The following HS3ST4 variants were observed in gnomAD, a reference collection of about 807,000 sequenced individuals.
The protein encoded by HS3ST4 is heparan sulfate glucosamine 3-O-sulfotransferase 4.
HS3ST4 carries 17 observed loss-of-function variants against 29.2 expected under a neutral mutation model. That is an observed-to-expected ratio of 0.58 (90% confidence interval 0.40 to 0.87). HS3ST4 has a LOEUF of 0.87. Ranked by LOEUF, HS3ST4 falls within the 40% of genes least tolerant of loss-of-function variation. The pLI, the probability that HS3ST4 is intolerant of heterozygous loss-of-function variation, is 0.00. For missense variants in HS3ST4, 627 were observed against 634.5 expected, an observed-to-expected ratio of 0.99 and a Z score of 0.13; for synonymous variants, 314 against 285.7, an observed-to-expected ratio of 1.10 and a Z score of -1.00.
intron 1 of HS3ST4, among the ~76,000 whole-genome samples, chr16:25,966,318 T>C (rs533885653): frequency 5.9e-5 from 9 of 152,260 alleles, no homozygotes; most frequent in African/African-American, 2.2e-4. Context: ...ACAGTTCTTC[T>C]CTATTTGAAG....
chr16:26,071,838 C>G (rs1006753611), intron 1 of HS3ST4, among the ~76,000 whole-genome samples: 1 of 152,098 alleles, frequency 6.6e-6, no homozygotes, highest in Non-Finnish European at 1.5e-5. Flanking sequence ...CCTAGGCCCT[C>G]CCCTGGAATG....
intron 1 of HS3ST4, among the ~76,000 whole-genome samples, chr16:25,724,713 A>T (rs1408799351): frequency 6.6e-6 from 1 of 152,016 alleles, no homozygotes; most frequent in Non-Finnish European, 1.5e-5. Flanking sequence ...CGAAGTCATC[A>T]CCTGAACCCG....
At chr16:25,992,104 C>T (rs576193162) in intron 1 of HS3ST4, among the ~76,000 whole-genome samples, 1 of 152,142 alleles carries the variant, frequency 6.6e-6, no homozygotes, top group Non-Finnish European at 1.5e-5. Context: ...GGTGCTAAGT[C>T]CTAGGGCTTT....
At chr16:25,777,018 T>C (rs924350385) in intron 1 of HS3ST4, among the ~76,000 whole-genome samples, 1 of 152,316 alleles carries the variant, frequency 6.6e-6, no homozygotes, top group South Asian at 2.1e-4. Context: ...GATACTTTTT[T>C]CCATGGTTAT....
chr16:26,032,908 T>C, intron 1 of HS3ST4: 1 of 924,504 alleles, frequency 1.1e-6, no homozygotes, highest in Non-Finnish European at 1.7e-6. Context: ...CGCCTCTTCT[T>C]CACACTGCTC....
At chr16:25,882,861 A>G (rs1048004661) in intron 1 of HS3ST4, among the ~76,000 whole-genome samples, 6 of 152,104 alleles carry the variant, frequency 3.9e-5, no homozygotes, top group Non-Finnish European at 2.9e-5. Context: ...GAAGGCAGGC[A>G]AACTCGCTTC....
At chr16:25,823,231 G>A (rs1229392967) in intron 1 of HS3ST4, among the ~76,000 whole-genome samples, 1 of 152,164 alleles carries the variant, frequency 6.6e-6, no homozygotes, top group Non-Finnish European at 1.5e-5. Flanking sequence ...TTTCTATTCA[G>A]GGATGCTCTT....
intron 1 of HS3ST4, among the ~76,000 whole-genome samples, chr16:26,101,952 G>A (rs1385713600): frequency 2.0e-5 from 3 of 152,014 alleles, no homozygotes; most frequent in Non-Finnish European, 4.4e-5. Flanking sequence ...AGGTTCTTAG[G>A]TGGCCCAAAC....
At chr16:25,908,191 C>T (rs189781319) in intron 1 of HS3ST4, among the ~76,000 whole-genome samples, 188 of 152,214 alleles carry the variant, frequency 1.2e-3, no homozygotes, top group Middle Eastern at 3.4e-3. Flanking sequence ...TTGGCCCTAA[C>T]GACATCTGCC....
At chr16:26,105,545 C>T (rs1899042688) in intron 1 of HS3ST4, among the ~76,000 whole-genome samples, 2 of 152,168 alleles carry the variant, frequency 1.3e-5, no homozygotes, top group South Asian at 4.1e-4. Flanking sequence ...CTGGCCATGC[C>T]CCTCATCCCT....
chr16:25,703,716 C>G (rs1966352430), intron 1 of HS3ST4, among the ~76,000 whole-genome samples: 2 of 152,206 alleles, frequency 1.3e-5, no homozygotes, highest in African/African-American at 4.8e-5. Flanking sequence ...TCTTTCTGTT[C>G]AGGGACTATG....
intron 1 of HS3ST4, among the ~76,000 whole-genome samples, chr16:26,105,759 C>T (rs909805983): frequency 2.0e-5 from 3 of 152,266 alleles, no homozygotes; most frequent in African/African-American, 7.2e-5. Context: ...AGGCTTCCCC[C>T]ATGGGGCTTG....
intron 1 of HS3ST4, among the ~76,000 whole-genome samples, chr16:26,019,588 G>A (rs910987332): frequency 1.3e-5 from 2 of 152,124 alleles, no homozygotes; most frequent in Admixed American, 1.3e-4. Context: ...GATGGGGACT[G>A]GCAATGGATT....
intron 1 of HS3ST4, among the ~76,000 whole-genome samples, chr16:25,942,937 T>C (rs982172498): frequency 1.3e-5 from 2 of 152,166 alleles, no homozygotes; most frequent in African/African-American, 4.8e-5. Flanking sequence ...GTCTTGCTTT[T>C]AAAATAAACT....
At chr16:26,049,358 CGG>C (rs1898308043) in intron 1 of HS3ST4, among the ~76,000 whole-genome samples, 6 of 150,336 alleles carry the variant, frequency 4.0e-5, no homozygotes, top group African/African-American at 1.5e-4. Flanking sequence ...GGTCTACATC[CGG>C]AGGTCTACAT....
At chr16:25,931,398 A>G (rs1420441385) in intron 1 of HS3ST4, among the ~76,000 whole-genome samples, 1 of 152,204 alleles carries the variant, frequency 6.6e-6, no homozygotes, top group Non-Finnish European at 1.5e-5. Flanking sequence ...TCATGCACTT[A>G]GGGGATGCAT....
In HS3ST4 at chr16:26,137,027, C is replaced by T. The variant is rs1440114327; in HGVS notation, c.*779C>T. The T allele has an allele frequency of 1.3e-5, 2 of 152,092 alleles. No homozygotes were observed. The highest frequency in any genetic ancestry group is 4.8e-5 in the African/African-American group (2 of 41,372). 9.4% of individuals were successfully genotyped at this position (152,092 alleles called of 1,614,324 possible). On this transcript the variant is annotated 3_prime_UTR_variant, in exon 2 of 2. Coordinates refer to ENST00000331351, the MANE Select transcript of HS3ST4 (RefSeq NM_006040.3). Reference sequence around the variant, plus strand: ...CATATGCCCTTGTGTTCGGATCAGGCCCACAGGGCTGCTCAAAGAGTAGAG... The same window carrying T: ...CATATGCCCTTGTGTTCGGATCAGGTCCACAGGGCTGCTCAAAGAGTAGAG...
intron 1 of HS3ST4, among the ~76,000 whole-genome samples, chr16:26,087,212 G>A (rs953867229): frequency 6.6e-6 from 1 of 152,230 alleles, no homozygotes; most frequent in Non-Finnish European, 1.5e-5. Context: ...AAAGTAGGTG[G>A]CAGACACATC....
chr16:26,026,834 GA>G (rs1969480564), intron 1 of HS3ST4, among the ~76,000 whole-genome samples: 1 of 152,188 alleles, frequency 6.6e-6, no homozygotes, highest in African/African-American at 2.4e-5. Flanking sequence ...TATCAAAGAA[GA>G]AAGAGCCACC....
Sources: gnomAD v4.1 joint callset for allele counts (sites outside exome capture counted in the v4.1 genomes callset) on GRCh38, gnomAD v4.1.1 for gene constraint, MANE v1.5 for transcripts, NCBI Gene and HGNC (gene_info 2026-07-23, HGNC 2026-07-21) for gene names.